Variants in FHIT observed in about 807,000 individuals in gnomAD.
The protein encoded by FHIT is bis(5'-adenosyl)-triphosphatase.
FHIT carries 19 observed loss-of-function variants against 17.9 expected under a neutral mutation model. The observed-to-expected ratio is 1.06, with a 90% CI of 0.74 to 1.56. The LOEUF is 1.56. Among genes scored for constraint, FHIT ranks in the 40% most tolerant of loss-of-function variants. FHIT has a pLI of 0.00. For missense variants in FHIT, 248 were observed against 189.2 expected (o/e 1.31, Z -1.82); for synonymous variants, 81 against 69.7 (o/e 1.16, Z -0.81).
At chr3:61,101,501 C>A (rs1230822552) in intron 2 of FHIT, among the ~76,000 whole-genome samples, 1 of 152,146 alleles carries the variant, frequency 6.6e-6, no homozygotes. Context: ...CAGGATGCCT[C>A]CAGCTTTGTT....
At chr3:60,576,287 A>G (rs1293548699) in intron 4 of FHIT, among the ~76,000 whole-genome samples, 1 of 152,140 alleles carries the variant, frequency 6.6e-6, no homozygotes, top group Non-Finnish European at 1.5e-5. Context: ...TCCTAGGACA[A>G]AAAGATAAGG....
At chr3:60,975,587 A>C (rs982099597) in intron 3 of FHIT, among the ~76,000 whole-genome samples, 1 of 152,208 alleles carries the variant, frequency 6.6e-6, no homozygotes, top group Non-Finnish European at 1.5e-5. Flanking sequence ...ATGTAGAGTA[A>C]AATTTTTAGT....
At chr3:60,181,924 T>A (rs1344836915) in intron 5 of FHIT, among the ~76,000 whole-genome samples, 1 of 152,170 alleles carries the variant, frequency 6.6e-6, no homozygotes, top group East Asian at 1.9e-4. Context: ...GCAATCACCT[T>A]ATGCATGATG....
chr3:60,435,751 C>T (rs1461095102), intron 5 of FHIT, among the ~76,000 whole-genome samples: 2 of 151,964 alleles, frequency 1.3e-5, no homozygotes. Context: ...ATTTCATCAC[C>T]CAGGTATTAA....
chr3:60,888,046 G>C (rs1705317398), intron 3 of FHIT, among the ~76,000 whole-genome samples: 1 of 152,168 alleles, frequency 6.6e-6, no homozygotes, highest in Admixed American at 6.5e-5. Flanking sequence ...GAAACAACAA[G>C]TTGGTAATTA....
intron 3 of FHIT, among the ~76,000 whole-genome samples, chr3:60,882,454 T>C (rs912223677): frequency 3.9e-5 from 6 of 152,166 alleles, no homozygotes; most frequent in Non-Finnish European, 8.8e-5. Flanking sequence ...TGAACATCGA[T>C]GCAAACATCC....
chr3:60,765,488 G>A (rs1343625290), intron 4 of FHIT: 2 of 152,140 alleles, frequency 1.3e-5, no homozygotes, highest in Non-Finnish European at 2.9e-5. Context: ...AGGTTAGGGG[G>A]AAAGCCAGAA....
chr3:60,929,419 A>G (rs1707830824), intron 3 of FHIT, among the ~76,000 whole-genome samples: 1 of 152,172 alleles, frequency 6.6e-6, no homozygotes, highest in Admixed American at 6.5e-5. Flanking sequence ...AGGAAATCCA[A>G]TTGTCCCTGT....
intron 1 of FHIT, among the ~76,000 whole-genome samples, chr3:61,214,707 G>A (rs376999938): frequency 5.9e-5 from 9 of 151,974 alleles, no homozygotes; most frequent in African/African-American, 1.9e-4. Flanking sequence ...ACAACCAAAA[G>A]AGAGAATTTT....
intron 4 of FHIT, among the ~76,000 whole-genome samples, chr3:60,713,643 T>C (rs1456173362): frequency 6.6e-5 from 10 of 152,154 alleles, no homozygotes; most frequent in Admixed American, 2.6e-4. Context: ...GAGAATACTA[T>C]AAACACCTCT....
chr3:59,883,692 C>G (rs999030462), intron 8 of FHIT, among the ~76,000 whole-genome samples: 1 of 152,314 alleles, frequency 6.6e-6, no homozygotes, highest in Non-Finnish European at 1.5e-5. Flanking sequence ...TGCTACCGCA[C>G]GTCTCTTTCC....
At chr3:59,831,177 T>G (rs1293030473) in intron 8 of FHIT, among the ~76,000 whole-genome samples, 1 of 152,194 alleles carries the variant, frequency 6.6e-6, no homozygotes, top group African/African-American at 2.4e-5. Context: ...ATTCAATGAA[T>G]GTGAACCATT....
intron 1 of FHIT, chr3:61,244,300 A>T (rs1183898415): frequency 6.6e-6 from 1 of 152,216 alleles, no homozygotes; most frequent in Non-Finnish European, 1.5e-5. Flanking sequence ...GTTGGAAAGC[A>T]ATCCAAACAA....
rs189539475 is a variant in FHIT at position 60,624,773 on chromosome 3, G to A, written c.-17-87794C>T. Among the ~76,000 whole-genome samples, 346 of 152,000 alleles carry A rather than the reference G, an allele frequency of 2.3e-3. 2 individuals carry two copies. The highest frequency in any genetic ancestry group is 7.9e-3 in the African/African-American group (328 of 41,450). On this transcript the variant is annotated intron_variant, in intron 4 of 9. Transcript: ENST00000492590. ...TTTCACTTACTGTAATGTTTATAAGGTTCATCCATGTTGTAACATGTATCA... is the reference window on the plus strand; with the variant it reads ...TTTCACTTACTGTAATGTTTATAAGATTCATCCATGTTGTAACATGTATCA...
chr3:61,215,590 A>G (rs887633918), intron 1 of FHIT, among the ~76,000 whole-genome samples: 3 of 152,206 alleles, frequency 2.0e-5, no homozygotes, highest in Non-Finnish European at 2.9e-5. Context: ...TATAGATTCA[A>G]TGCCATCCCC....
chr3:60,999,542 A>T (rs1239667690), intron 3 of FHIT, among the ~76,000 whole-genome samples: 2 of 151,472 alleles, frequency 1.3e-5, no homozygotes, highest in Non-Finnish European at 2.9e-5. Flanking sequence ...GAAGTATATG[A>T]TCTCCTTACA....
rs908245003 is a variant in FHIT at position 59,990,722 on chromosome 3, C to A, written c.279+20649G>T. Among the ~76,000 whole-genome samples, 4 of 152,108 alleles carry A rather than the reference C, an allele frequency of 2.6e-5. No homozygotes were observed. The South Asian group carries it at 8.3e-4, about 32-fold the overall frequency. On this transcript the variant is annotated intron_variant, in intron 7 of 9. Coordinates refer to ENST00000492590, the MANE Select transcript of FHIT (RefSeq NM_002012.4). ...AGGTTGGTGTGATGTGGCTCAATAA[C>A]CACTTGGGGAAAAACAATGAGAGGG...
At chr3:60,262,007 T>A (rs576385122) in intron 5 of FHIT, among the ~76,000 whole-genome samples, 1 of 152,140 alleles carries the variant, frequency 6.6e-6, no homozygotes, top group African/African-American at 2.4e-5. Context: ...ATCTACTTTA[T>A]CAAACTGAAC....
chr3:60,029,823 T>C (rs1044568456), intron 5 of FHIT, among the ~76,000 whole-genome samples: 10 of 151,582 alleles, frequency 6.6e-5, no homozygotes, highest in African/African-American at 1.9e-4. Context: ...AATAACATTG[T>C]AGCACCAGAA....
Sources: gnomAD v4.1 joint callset for allele counts (sites outside exome capture counted in the v4.1 genomes callset) on GRCh38, gnomAD v4.1.1 for gene constraint, MANE v1.5 for transcripts, NCBI Gene and HGNC (gene_info 2026-07-23, HGNC 2026-07-21) for gene names.